GSPT1: variants seen among roughly 807,000 people sequenced by gnomAD.
GSPT1 encodes the protein eukaryotic peptide chain release factor GTP-binding subunit ERF3A.
Under a neutral mutation model 72.5 loss-of-function variants are expected in GSPT1, and 20 were observed. That is an observed-to-expected ratio of 0.28 (90% CI 0.19 to 0.40). The LOEUF (loss-of-function observed/expected upper bound fraction) is 0.40. GSPT1 is among the 10% of genes least tolerant of loss of function. GSPT1 has a pLI of 1.00. For missense variants in GSPT1, 580 were observed against 811.9 expected, an observed-to-expected ratio of 0.71 and a Z score of 3.47; for synonymous variants, 334 against 293.5, an observed-to-expected ratio of 1.14 and a Z score of -1.41.
intron 1 of GSPT1, among the ~76,000 whole-genome samples, chr16:11,903,685 T>C (rs918934013): frequency 6.6e-6 from 1 of 152,122 alleles, no homozygotes; most frequent in Non-Finnish European, 1.5e-5. Flanking sequence ...TGTGAGACCC[T>C]GTCTCCAAAA....
chr16:11,894,858 G>T, intron 5 of GSPT1, 96 bp downstream of exon 5: 2 of 748,236 alleles, frequency 2.7e-6, no homozygotes, highest in East Asian at 5.6e-5. Context: ...TGGGGGACCT[G>T]TTTTATCTCC....
chr16:11,896,686 C>T lies in GSPT1; in HGVS notation c.536G>A (p.Arg179Lys). The T allele has an allele frequency of 1.2e-6, 2 of 1,608,168 alleles. No homozygotes were observed. Among genetic ancestry groups the T allele is most frequent in the Non-Finnish European group, 1.7e-6 (2 of 1,177,046 alleles). The stretch of plus-strand genomic sequence containing the variant: ...TTCATGGGCACTTTCCTCTGGCGGC[C>T]TTCCATCTCCCAAGGAACCACCCCC... ...EPGGGSLGDG[R>K]PPEESAHEMM... The change falls in exon 4 of 15, where the codon AGG becomes AAG. Residue 179 changes from arginine (R) to lysine (K), a missense_variant. Coordinates refer to ENST00000434724, the MANE Select transcript of GSPT1 (RefSeq NM_002094.4).
chr16:11,912,411 G>C (rs932144214), intron 1 of GSPT1, among the ~76,000 whole-genome samples: 11 of 151,498 alleles, frequency 7.3e-5, no homozygotes, highest in Non-Finnish European at 1.5e-4. Context: ...AGCAAATACG[G>C]AACACTACAA....
At chr16:11,893,082 T>C (rs1323964984) in intron 5 of GSPT1, among the ~76,000 whole-genome samples, 2 of 151,766 alleles carry the variant, frequency 1.3e-5, no homozygotes, top group African/African-American at 2.4e-5. Context: ...TTTTGTTTTT[T>C]GTTTTTGTTT....
At chr16:11,912,024 T>G (rs2054565060) in intron 1 of GSPT1, among the ~76,000 whole-genome samples, 1 of 141,292 alleles carries the variant, frequency 7.1e-6, no homozygotes, top group South Asian at 2.2e-4. Context: ...TTTTACAGTG[T>G]GTAAGTTAAA....
intron 1 of GSPT1, among the ~76,000 whole-genome samples, chr16:11,898,701 C>T (rs1318559483): frequency 2.0e-5 from 3 of 152,160 alleles, no homozygotes; most frequent in South Asian, 2.1e-4. Context: ...CTGCCCACCT[C>T]GGCCTCCCAA....
At chr16:11,879,460 C>T (rs1420611582) in intron 11 of GSPT1, among the ~76,000 whole-genome samples, 1 of 151,034 alleles carries the variant, frequency 6.6e-6, no homozygotes, top group Non-Finnish European at 1.5e-5. Context: ...ATCGGCTGGG[C>T]GCAGTGGCTC....
chr16:11,896,574 T>C lies in GSPT1; in HGVS notation c.648A>G (p.Val216=), dbSNP rs767491518. The C allele has an allele frequency of 1.9e-6, 3 of 1,595,530 alleles. No individual in the cohort carries two copies. The highest frequency in any genetic ancestry group is 2.6e-6 in the Non-Finnish European group (3 of 1,168,470). ...GAPKKEHVNV[V]FIGHVDAGKS... is the part of the protein sequence containing the mutation. The stretch of plus-strand genomic sequence containing the variant: ...GCAGCTTACCTACGTGCCCAATGAA[T>C]ACTACATTTACATGCTCTTTCTTAG... Residue 216 remains valine (V), a synonymous_variant, in exon 4 of 15, where the codon GTA becomes GTG. Coordinates refer to ENST00000434724, the MANE Select transcript of GSPT1 (RefSeq NM_002094.4).
At chr16:11,882,779 A>AC (rs2054137239) in intron 11 of GSPT1, among the ~76,000 whole-genome samples, 1 of 151,204 alleles carries the variant, frequency 6.6e-6, no homozygotes, top group Non-Finnish European at 1.5e-5. Context: ...ACATAGTGAG[A>AC]CCCCATCTCA....
At chr16:11,888,790 A>C (rs2054216864) in intron 6 of GSPT1, among the ~76,000 whole-genome samples, 1 of 152,084 alleles carries the variant, frequency 6.6e-6, no homozygotes, top group South Asian at 2.1e-4. Context: ...ATAAAACTGA[A>C]AGAATGTATT....
chr16:11,888,770 A>G (rs559170386), intron 6 of GSPT1, among the ~76,000 whole-genome samples: 339 of 152,338 alleles, frequency 2.2e-3, no homozygotes, highest in Non-Finnish European at 2.6e-3. Context: ...CAAAAAAATA[A>G]ATAAATAAAA....
chr16:11,899,325 GTTTTC>G (rs1451914532), intron 1 of GSPT1, among the ~76,000 whole-genome samples: 1 of 150,882 alleles, frequency 6.6e-6, no homozygotes, highest in African/African-American at 2.4e-5. Context: ...CAACCAAATT[GTTTTC>G]TTTTTTTTTT....
rs1170547797 is a variant in GSPT1, at chr16:11,870,409, A to G, written c.*2710T>C. 6.6e-6 allele frequency: 1 copy of G among 152,254 alleles called. No individual in the cohort carries two copies. Among genetic ancestry groups the G allele is most frequent in the Non-Finnish European group, 1.5e-5 (1 of 68,048 alleles). The allele number at this position is 152,254 out of a possible 1,614,324, so 9.4% of individuals were successfully genotyped here. On this transcript the variant is annotated 3_prime_UTR_variant, in exon 15 of 15. Coordinates refer to ENST00000434724, the MANE Select transcript of GSPT1 (RefSeq NM_002094.4). Reference sequence around the variant, plus strand: ...GAAAGTTATATAAAGAACATCATTAATGTGAAAAGATGCAAGAAAAAAATC... The same window carrying G: ...GAAAGTTATATAAAGAACATCATTAGTGTGAAAAGATGCAAGAAAAAAATC...
Position 11,898,054 on chromosome 16 carries a change from T to A in GSPT1, c.353-19A>T, listed in dbSNP as rs779072188. The A allele has an allele frequency of 1.3e-6, 2 of 1,509,182 alleles. No homozygotes were observed. Among genetic ancestry groups the A allele is most frequent in the African/African-American group, 2.8e-5 (2 of 72,136 alleles). The allele number at this position is 1,509,182 out of a possible 1,614,324, so 93.5% of individuals were successfully genotyped here. On this transcript the variant is annotated intron_variant, in intron 1 of 14. Transcript: ENST00000434724. ...ACAGGTGCTGTTTAACAGAAAGAAG[T>A]TCTATTAAAAATTGATACTTATCCA... is the stretch of plus-strand genomic sequence containing the variant.
In GSPT1 at chr16:11,892,515, A is replaced by C. The variant is rs950029024; in HGVS notation, c.699-1376T>G. 8.3e-5 allele frequency among the ~76,000 whole-genome samples: 11 copies of C among 132,676 alleles called. 4 individuals are homozygous for C. Among genetic ancestry groups the C allele is most frequent in the Admixed American group, 2.3e-4 (3 of 13,250 alleles). 87.0% of individuals were successfully genotyped at this position (132,676 alleles called of 152,430 possible). A position where few individuals can be genotyped will look rare whatever the true frequency, so the allele number is the denominator to read the frequency against. ...CAGGGAGACCCTTTCTCAAAAAAAC[A>C]AAAAAAACAAAAAAAACAAAAAATA... On this transcript the variant is annotated intron_variant, in intron 5 of 14. Coordinates refer to ENST00000434724, the MANE Select transcript of GSPT1 (RefSeq NM_002094.4).
In GSPT1 at chr16:11,915,492, C is replaced by A; in HGVS notation, c.229G>T (p.Val77Leu). The change falls in exon 1 of 15, where the codon GTG becomes TTG. Residue 77 changes from valine to leucine, a missense_variant. By Grantham distance (32) the Val-to-Leu change is conservative. Around this residue, in one of 6 missense-constraint regions of GSPT1, gnomAD observed 327 missense variants for 298.8 expected, o/e 1.09. Coordinates refer to ENST00000434724, the MANE Select transcript of GSPT1 (RefSeq NM_002094.4). ...AACTCGGCGGCGTGGACGTTGGGCA[C>A]GAAGGGCTTGGCGTTGACGTTGAGT... Reference protein sequence around the residue: ...RQLNVNAKPFVPNVHAAEFVP... With the variant: ...RQLNVNAKPFLPNVHAAEFVP... 6.4e-7 allele frequency: 1 copy of A among 1,552,936 alleles called. No homozygotes were observed.
rs1205401969 is a variant in GSPT1, at chr16:11,868,859, C to T, written c.*4260G>A. Reference sequence around the variant, plus strand: ...ATCACTTAAGGAATCCTGGTGTTTTCTGCCTAATCAGAAGTAGTACCAACC... The same window carrying T: ...ATCACTTAAGGAATCCTGGTGTTTTTTGCCTAATCAGAAGTAGTACCAACC... On this transcript the variant is annotated 3_prime_UTR_variant, in exon 15 of 15. Coordinates refer to ENST00000434724, the MANE Select transcript of GSPT1 (RefSeq NM_002094.4). 6.6e-6 allele frequency: 1 copy of T among 152,210 alleles called. No homozygotes were observed. Among genetic ancestry groups the T allele is most frequent in the Admixed American group, 6.5e-5 (1 of 15,276 alleles). 9.4% of individuals were successfully genotyped at this position (152,210 alleles called of 1,614,324 possible).
rs994491040 is a variant in GSPT1 at position 11,886,683 on chromosome 16, G to C, written c.1113-72C>G. The C allele has an allele frequency of 1.9e-6, 3 of 1,547,728 alleles. No homozygotes were observed. The African/African-American group carries it at 4.1e-5, about 21-fold the overall frequency. On this transcript the variant is annotated intron_variant, in intron 8 of 14. Transcript: ENST00000434724. ...AGAACTCTAGTTTCCTAAGTAAACA[G>C]ATTAAGGTTTAGAAAAACCCTAGAG...
intron 1 of GSPT1, chr16:11,903,823 G>C (rs556956387): frequency 6.6e-6 from 1 of 152,360 alleles, no homozygotes; most frequent in Admixed American, 6.5e-5. Flanking sequence ...TTATCAAGAC[G>C]AACTATTAGC....
Sources: gnomAD v4.1 joint callset for allele counts (sites outside exome capture counted in the v4.1 genomes callset) on GRCh38, gnomAD v4.1.1 for gene constraint, gnomAD v4.1.1 regional missense constraint, MANE v1.5 for transcripts, NCBI Gene and HGNC (gene_info 2026-07-23, HGNC 2026-07-21) for gene names.